Variants in CPAP observed in about 807,000 individuals in gnomAD.
CPAP encodes centrosome assembly and centriole elongation protein, also known as centrosomal P4.1-associated protein.
chr13:24,915,726 G>A, the CPAP span, among the ~76,000 whole-genome samples: 6 of 152,128 alleles, frequency 3.9e-5, no homozygotes, highest in African/African-American at 1.4e-4. Context: ...TTGAACCCAG[G>A]AGGCGGGGGT....
chr13:24,912,741 G>T, the CPAP span: 1 of 1,614,122 alleles, frequency 6.2e-7, no homozygotes, highest in South Asian at 1.1e-5. Flanking sequence ...AGGCTGTATG[G>T]GTTTCAGATT....
the CPAP span, chr13:24,912,608 C>G: frequency 1.9e-6 from 3 of 1,613,382 alleles, no homozygotes; most frequent in Non-Finnish European, 2.5e-6. Flanking sequence ...AAAAGTGGGT[C>G]TTTATAAGCC....
chr13:24,899,979 T>C, the CPAP span, among the ~76,000 whole-genome samples: 1 of 151,696 alleles, frequency 6.6e-6, no homozygotes. Flanking sequence ...AAAAAATGTA[T>C]TCCCATGCAG....
the CPAP span, among the ~76,000 whole-genome samples, chr13:24,929,811 T>G: frequency 6.6e-6 from 1 of 152,270 alleles, no homozygotes; most frequent in Admixed American, 6.5e-5. Flanking sequence ...TTCTTTTACT[T>G]TCTGCTCCTT....
At chr13:24,906,157 C>T in the CPAP span, 17,406 of 1,613,606 alleles carry the variant, frequency 0.011, 1,463 homozygotes, top group Admixed American at 0.18. Context: ...TGGGATCTGC[C>T]GGATTTGTCT....
chr13:24,896,734 A>G, the CPAP span, among the ~76,000 whole-genome samples: 8 of 152,336 alleles, frequency 5.3e-5, 1 homozygote, highest in Admixed American at 5.2e-4. Flanking sequence ...TCAATCTCAC[A>G]ACCTTGTGTG....
chr13:24,890,937 C>G, the CPAP span, among the ~76,000 whole-genome samples: 2 of 152,020 alleles, frequency 1.3e-5, no homozygotes, highest in Admixed American at 1.3e-4. Context: ...TCAGTCCAAC[C>G]AATATACAAA....
the CPAP span, among the ~76,000 whole-genome samples, chr13:24,895,507 G>A: frequency 6.6e-6 from 1 of 152,200 alleles, no homozygotes; most frequent in East Asian, 1.9e-4. Flanking sequence ...GAAGCCGGGA[G>A]GGGCCGGCCA....
At chr13:24,925,248 A>AT in the CPAP span, among the ~76,000 whole-genome samples, 2 of 152,310 alleles carry the variant, frequency 1.3e-5, no homozygotes, top group African/African-American at 2.4e-5. Context: ...AAGTGCTGGA[A>AT]TTACAGGCAT....
the CPAP span, among the ~76,000 whole-genome samples, chr13:24,895,313 C>G: frequency 1.3e-5 from 2 of 152,132 alleles, no homozygotes; most frequent in African/African-American, 2.4e-5. Context: ...TGGTGGCTCA[C>G]GCCTGTAATC....
chr13:24,923,961 T>C, the CPAP span, among the ~76,000 whole-genome samples: 3 of 152,298 alleles, frequency 2.0e-5, no homozygotes, highest in Non-Finnish European at 4.4e-5. Context: ...CCCGAGTAGC[T>C]GGGATTACAG....
At chr13:24,921,350 GCTTT>G in the CPAP span, among the ~76,000 whole-genome samples, 47,984 of 151,806 alleles carry the variant, frequency 0.32, 7,644 homozygotes, top group Admixed American at 0.39. Flanking sequence ...AAAACCTCCA[GCTTT>G]CTCTTTGTTC....
the CPAP span, among the ~76,000 whole-genome samples, chr13:24,887,178 G>T: frequency 5.3e-5 from 8 of 152,158 alleles, no homozygotes; most frequent in Non-Finnish European, 1.2e-4. Context: ...ACTACTTTAA[G>T]AATTTAGGTT....
At chr13:24,890,674 C>T in the CPAP span, among the ~76,000 whole-genome samples, 4 of 152,240 alleles carry the variant, frequency 2.6e-5, no homozygotes, top group Admixed American at 2.6e-4. Context: ...ACGAATCACT[C>T]TATTCCCCCA....
the CPAP span, among the ~76,000 whole-genome samples, chr13:24,898,409 T>C: frequency 6.6e-6 from 1 of 152,132 alleles, no homozygotes; most frequent in Non-Finnish European, 1.5e-5. Flanking sequence ...TTTTGAAACT[T>C]TCTATAATAA....
At chr13:24,917,197 T>G in the CPAP span, among the ~76,000 whole-genome samples, 1 of 152,154 alleles carries the variant, frequency 6.6e-6, no homozygotes, top group South Asian at 2.1e-4. Flanking sequence ...GATCTTGCAG[T>G]GAGCCGAGAT....
At chr13:24,933,881 C>T in the CPAP span, among the ~76,000 whole-genome samples, 3,283 of 152,130 alleles carry the variant, frequency 0.022, 117 homozygotes, top group African/African-American at 0.075. Flanking sequence ...CCTGCCACCA[C>T]GCCTGGCTAA....
At chr13:24,929,229 A>G in the CPAP span, among the ~76,000 whole-genome samples, 256 of 152,082 alleles carry the variant, frequency 1.7e-3, 4 homozygotes, top group Non-Finnish European at 1.6e-4. Flanking sequence ...ACATCCAGCT[A>G]ATTTTTGTTT....
chr13:24,887,142 T>C, the CPAP span, among the ~76,000 whole-genome samples: 1 of 152,132 alleles, frequency 6.6e-6, no homozygotes, highest in Non-Finnish European at 1.5e-5. Flanking sequence ...TAAGAAGCAC[T>C]GCCCAAAGGG....
Sources: gnomAD v4.1 joint callset for allele counts (sites outside exome capture counted in the v4.1 genomes callset) on GRCh38, gnomAD v4.1.1 for gene constraint, MANE v1.5 for transcripts, NCBI Gene and HGNC (gene_info 2026-07-23, HGNC 2026-07-21) for gene names.